The following CAMK1D variants were observed in gnomAD, a reference collection of about 807,000 sequenced individuals.
CAMK1D encodes the protein calcium/calmodulin dependent protein kinase ID, also known as calcium/calmodulin-dependent protein kinase type 1D.
Under a neutral mutation model 47.7 loss-of-function variants are expected in CAMK1D, and 9 were observed. That is an observed-to-expected ratio of 0.19 (90% confidence interval 0.11 to 0.33). The LOEUF (loss-of-function observed/expected upper bound fraction) is 0.33. Among genes scored for constraint, CAMK1D ranks in the 10% least tolerant of loss-of-function variants. The pLI, the probability that CAMK1D is intolerant of heterozygous loss-of-function variation, is 1.00. For synonymous variants in CAMK1D, 184 were observed against 184.9 expected (o/e 0.99, Z 0.04); for missense variants, 291 against 488.7 (o/e 0.60, Z 3.81).
At chr10:12,387,465 A>ATATATATATATATG (rs71384319) in intron 1 of CAMK1D, among the ~76,000 whole-genome samples, 1 of 126,490 alleles carries the variant, frequency 7.9e-6, no homozygotes, top group East Asian at 2.1e-4. Context: ...ATATATATAT[A>ATATATATATATATG]GACATTGTAA....
intron 2 of CAMK1D, among the ~76,000 whole-genome samples, chr10:12,614,680 C>CGTG (rs1838728680): frequency 6.6e-6 from 1 of 152,114 alleles, no homozygotes; most frequent in Admixed American, 6.6e-5. Flanking sequence ...GTTGAGAGGC[C>CGTG]TTGATAAGCC....
chr10:12,720,210 G>A (rs1485754490), intron 3 of CAMK1D, among the ~76,000 whole-genome samples: 1 of 152,226 alleles, frequency 6.6e-6, no homozygotes. Context: ...AGGACTGGAT[G>A]TCACTCAGGA....
intron 2 of CAMK1D, among the ~76,000 whole-genome samples, chr10:12,556,786 T>C (rs1285565643): frequency 1.3e-5 from 2 of 152,202 alleles, no homozygotes; most frequent in Non-Finnish European, 2.9e-5. Context: ...TCAAGATTAA[T>C]TTTTGAAGAT....
intron 2 of CAMK1D, among the ~76,000 whole-genome samples, chr10:12,648,424 C>T (rs972175066): frequency 1.3e-5 from 2 of 152,188 alleles, no homozygotes; most frequent in Non-Finnish European, 2.9e-5. Context: ...AATGGCTACT[C>T]CGCTAGATGG....
intron 10 of CAMK1D, among the ~76,000 whole-genome samples, chr10:12,827,805 C>T (rs1833311938): frequency 6.6e-6 from 1 of 151,976 alleles, no homozygotes. Flanking sequence ...CCTCCTGTCT[C>T]AGCCTTCTGA....
At chr10:12,656,838 G>A (rs1159900151) in intron 2 of CAMK1D, among the ~76,000 whole-genome samples, 1 of 152,034 alleles carries the variant, frequency 6.6e-6, no homozygotes, top group Non-Finnish European at 1.5e-5. Flanking sequence ...TGTTACATGT[G>A]TGTGTGTATA....
At chr10:12,535,234 GC>G (rs930495741) in intron 1 of CAMK1D, among the ~76,000 whole-genome samples, 35 of 152,186 alleles carry the variant, frequency 2.3e-4, no homozygotes, top group Non-Finnish European at 4.4e-4. Context: ...GCCAGGCCAG[GC>G]CCTGTCTCTC....
chr10:12,573,902 C>A (rs1213958466), intron 2 of CAMK1D, among the ~76,000 whole-genome samples: 2 of 121,114 alleles, frequency 1.7e-5, no homozygotes, highest in African/African-American at 6.1e-5. Context: ...TCTCAAAGTC[C>A]TGGGCTCAAG....
chr10:12,724,689 T>C (rs1834536884), intron 3 of CAMK1D, among the ~76,000 whole-genome samples: 3 of 152,200 alleles, frequency 2.0e-5, no homozygotes, highest in South Asian at 4.1e-4. Context: ...GCAACCGCTG[T>C]CTGAGCTTCA....
intron 1 of CAMK1D, among the ~76,000 whole-genome samples, chr10:12,485,376 G>GC (rs1408760102): frequency 6.6e-6 from 1 of 152,154 alleles, no homozygotes; most frequent in Admixed American, 6.5e-5. Flanking sequence ...AGCTCCTCGT[G>GC]CCCCCTGTCG....
intron 2 of CAMK1D, among the ~76,000 whole-genome samples, chr10:12,620,241 G>A (rs905750055): frequency 1.4e-5 from 2 of 139,404 alleles, no homozygotes; most frequent in African/African-American, 5.3e-5. Flanking sequence ...AAACGTCCAT[G>A]TACAGGTTTT....
At chr10:12,808,446 G>A (rs993648208) in intron 6 of CAMK1D, among the ~76,000 whole-genome samples, 4 of 152,144 alleles carry the variant, frequency 2.6e-5, no homozygotes, top group Admixed American at 2.0e-4. Context: ...GTAGGCCTAC[G>A]TAGGCCAGGA....
intron 1 of CAMK1D, among the ~76,000 whole-genome samples, chr10:12,398,561 C>G (rs1564314181): frequency 6.6e-6 from 1 of 152,116 alleles, no homozygotes. Flanking sequence ...GTTGGCCAGG[C>G]TGGTCTTGAA....
chr10:12,690,928 T>C (rs1385908273), intron 3 of CAMK1D, among the ~76,000 whole-genome samples: 1 of 152,168 alleles, frequency 6.6e-6, no homozygotes, highest in Non-Finnish European at 1.5e-5. Flanking sequence ...CCTCACCCTG[T>C]TATGGCCACT....
At chr10:12,827,613 C>T (rs1564594482) in intron 10 of CAMK1D, among the ~76,000 whole-genome samples, 1 of 20,094 alleles carries the variant, frequency 5.0e-5, no homozygotes, top group Non-Finnish European at 1.1e-4. Flanking sequence ...TTCCCCTCCC[C>T]TCCTCTCTCC....
chr10:12,697,484 C>T (rs566392618), intron 3 of CAMK1D, among the ~76,000 whole-genome samples: 25 of 152,286 alleles, frequency 1.6e-4, no homozygotes, highest in Admixed American at 1.2e-3. Context: ...CTGCAACCTC[C>T]GCCTTCCCAG....
chr10:12,468,052 C>A (rs11257811), intron 1 of CAMK1D, among the ~76,000 whole-genome samples: 2 of 151,940 alleles, frequency 1.3e-5, no homozygotes, highest in Admixed American at 1.3e-4. Context: ...TATGCAAATA[C>A]GCTTTTTAAT....
intron 1 of CAMK1D, among the ~76,000 whole-genome samples, chr10:12,492,959 C>T (rs931635248): frequency 8.5e-5 from 13 of 152,202 alleles, no homozygotes; most frequent in Non-Finnish European, 1.9e-4. Flanking sequence ...GGTGGATGCC[C>T]GGCTTCCCTG....
intron 3 of CAMK1D, among the ~76,000 whole-genome samples, chr10:12,698,106 G>A (rs1023451295): frequency 2.0e-5 from 3 of 152,278 alleles, no homozygotes; most frequent in African/African-American, 7.2e-5. Context: ...ATACTACTCC[G>A]TTGTCAGGCG....
Sources: gnomAD v4.1 joint callset for allele counts (sites outside exome capture counted in the v4.1 genomes callset) on GRCh38, gnomAD v4.1.1 for gene constraint, MANE v1.5 for transcripts, NCBI Gene and HGNC (gene_info 2026-07-23, HGNC 2026-07-21) for gene names.